LTF: variants seen among roughly 807,000 people sequenced by gnomAD.
The protein encoded by LTF is epididymis luminal protein 110.
LTF carries 91 observed loss-of-function variants against 87.2 expected under a neutral mutation model. The observed-to-expected ratio is 1.04, with a 90% CI of 0.88 to 1.24. The LOEUF is 1.24. Ranked by LOEUF, LTF falls within the 50% of genes most tolerant of loss-of-function variation. The probability of loss-of-function intolerance (pLI) is 0.00; values close to 1 mark genes in which losing one functional copy is unlikely to be tolerated. For missense variants in LTF, 901 were observed against 904.3 expected (o/e 1.00, Z 0.05); for synonymous variants, 378 against 356.1 (o/e 1.06, Z -0.69).
Position 46,436,090 on chromosome 3 carries a change from C to A in LTF, c.*105G>T. The stretch of plus-strand genomic sequence containing the variant: ...TTGTAAGCAGATGGATGGGCAATCC[C>A]CACCTTCAGCAGGGGAGGCCAAGGC... On this transcript the variant is annotated 3_prime_UTR_variant, in exon 17 of 17. Transcript: ENST00000231751. 1 of 1,081,706 alleles carries A rather than the reference C, an allele frequency of 9.2e-7. No homozygotes were observed. Among genetic ancestry groups the A allele is most frequent in the South Asian group, 1.3e-5 (1 of 77,692 alleles). 67.0% of individuals were successfully genotyped at this position (1,081,706 alleles called of 1,614,324 possible).
chr3:46,441,678 A>G (rs1702516786), intron 13 of LTF, 195 bp from the exon 14 acceptor site: 3 of 530,932 alleles, frequency 5.7e-6, no homozygotes, highest in Non-Finnish European at 1.0e-5. Context: ...ACCCTATATA[A>G]AAGACATTAC....
chr3:46,467,032 T>G (rs1454677457), upstream of LTF, among the ~76,000 whole-genome samples: 2 of 151,982 alleles, frequency 1.3e-5, no homozygotes, highest in Non-Finnish European at 2.9e-5. Flanking sequence ...GAAGGCAGCA[T>G]GGGTAGGCAA....
intron 1 of LTF, among the ~76,000 whole-genome samples, chr3:46,462,473 G>C (rs994459224): frequency 2.0e-5 from 3 of 152,138 alleles, no homozygotes; most frequent in Admixed American, 1.3e-4. Flanking sequence ...GTAAGTGTTG[G>C]ATCTAGGACT....
At chr3:46,447,783 C>A (rs911520018) in intron 9 of LTF, among the ~76,000 whole-genome samples, 2 of 152,200 alleles carry the variant, frequency 1.3e-5, no homozygotes, top group East Asian at 3.9e-4. Flanking sequence ...AAGCGCTACA[C>A]AGAAGTTGTC....
At chr3:46,437,320 A>AT (rs10667876) in intron 16 of LTF, among the ~76,000 whole-genome samples, 52,705 of 131,392 alleles carry the variant, frequency 0.4, 10,852 homozygotes, top group South Asian at 0.6. Context: ...CTAGAATCAG[A>AT]TTTTTTTTTT....
intron 1 of LTF, among the ~76,000 whole-genome samples, chr3:46,482,659 A>G (rs71327075): frequency 0.019 from 1,139 of 59,996 alleles, 25 homozygotes; most frequent in Middle Eastern, 0.027. Flanking sequence ...AAAGAAAGAA[A>G]GAAGGAAGGA....
chr3:46,449,749 C>T (rs1702751854), intron 8 of LTF, 105 bp downstream of exon 8: 9 of 1,211,074 alleles, frequency 7.4e-6, no homozygotes, highest in Non-Finnish European at 1.1e-5. Flanking sequence ...CCACGATGAC[C>T]CCACAGTGTC....
Position 46,438,098 on chromosome 3 carries a change from G to C in LTF, c.1940C>G (p.Pro647Arg). ...AGACTGGAATAAGCAAAACTTGTCC[G>C]GGCAGTCAGATCCATTTCTCCCAAA... ...AKFGRNGSDCPDKFCLFQSET... is the reference protein window; with the variant it reads ...AKFGRNGSDCRDKFCLFQSET... Residue 647 changes from proline to arginine, a missense_variant, in exon 16 of 17, where the codon CCG (proline) becomes CGG (arginine). Coordinates refer to ENST00000231751, the MANE Select transcript of LTF (RefSeq NM_002343.6). 1.2e-6 allele frequency: 2 copies of C among 1,613,696 alleles called. No individual in the cohort carries two copies. The highest frequency in any genetic ancestry group is 2.2e-5 in the South Asian group (2 of 91,010).
At chr3:46,464,679 G>T in intron 1 of LTF, 146 bp downstream of exon 1, 1 of 801,260 alleles carries the variant, frequency 1.2e-6, no homozygotes, top group South Asian at 1.6e-5. Context: ...CCCCGCGTCC[G>T]GGCCGCCTCC....
chr3:46,460,509 G>C, intron 1 of LTF: 1 of 450,244 alleles, frequency 2.2e-6, no homozygotes, highest in Non-Finnish European at 4.5e-6. Flanking sequence ...TTTTGAGCCT[G>C]CTTTTGTTGC....
chr3:46,455,653 C>A, intron 4 of LTF, 143 bp downstream of exon 4: 1 of 1,123,820 alleles, frequency 8.9e-7, no homozygotes, highest in Middle Eastern at 2.7e-4. Context: ...ACGGATCCTG[C>A]CAGCAGGATG....
chr3:46,482,852 G>A (rs1196694803), intron 1 of LTF, among the ~76,000 whole-genome samples: 3 of 151,186 alleles, frequency 2.0e-5, no homozygotes, highest in African/African-American at 7.3e-5. Flanking sequence ...GGAGGGACAA[G>A]AGACAGACAG....
rs1219883992 is a variant in LTF at position 46,443,598 on chromosome 3, A to G, written c.1514-16T>C. On this transcript the variant is annotated splice_polypyrimidine_tract_variant and intron_variant, in intron 12 of 16. Transcript: ENST00000231751. The stretch of plus-strand genomic sequence containing the variant: ...AAATATTCATCTGGAGAGAAGGAAC[A>G]CGGGGAGTCAGCTCTTCAAACCTGA... The G allele has an allele frequency of 1.9e-6, 3 of 1,613,572 alleles. No homozygotes were observed. The highest frequency in any genetic ancestry group is 1.7e-6 in the Non-Finnish European group (2 of 1,179,944).
chr3:46,466,037 A>G (rs553261468), upstream of LTF, among the ~76,000 whole-genome samples: 6 of 152,290 alleles, frequency 3.9e-5, no homozygotes, highest in South Asian at 1.2e-3. Context: ...CCAGGAGTTC[A>G]AGACTAGCCT....
chr3:46,468,415 G>C (rs1703242851), upstream of LTF: 1 of 437,480 alleles, frequency 2.3e-6, no homozygotes, highest in Non-Finnish European at 4.6e-6. Flanking sequence ...CTGCCATGCA[G>C]TGGCAAGAGC....
chr3:46,441,627 A>G (rs1439478372), intron 13 of LTF, 144 bp from the exon 14 acceptor site: 1 of 646,476 alleles, frequency 1.5e-6, no homozygotes, highest in African/African-American at 1.8e-5. Context: ...TACTGTTTAC[A>G]GCGGCAGATT....
upstream of LTF, chr3:46,464,998 A>T (rs1373897446): frequency 1.2e-6 from 1 of 864,078 alleles, no homozygotes; most frequent in Non-Finnish European, 1.9e-6. Context: ...CCCCGCGGCC[A>T]GGTCTACTTG....
chr3:46,436,025 A>C lies in LTF; in HGVS notation c.*170T>G, dbSNP rs1160829938. On this transcript the variant is annotated 3_prime_UTR_variant, in exon 17 of 17. Coordinates refer to ENST00000231751, the MANE Select transcript of LTF (RefSeq NM_002343.6). ...CTTTATAAGGAGAGAATATCAACAAAATTTCTCATTTTACTTCTTGCTAAG... is the reference window on the plus strand; with the variant it reads ...CTTTATAAGGAGAGAATATCAACAACATTTCTCATTTTACTTCTTGCTAAG... 1 of 640,208 alleles carries C rather than the reference A, an allele frequency of 1.6e-6. No homozygotes were observed. Among genetic ancestry groups the C allele is most frequent in the African/African-American group, 1.8e-5 (1 of 54,468 alleles). 39.7% of individuals were successfully genotyped at this position (640,208 alleles called of 1,614,324 possible).
chr3:46,441,926 A>G (rs1002554266), intron 13 of LTF: 1 of 93,684 alleles, frequency 1.1e-5, no homozygotes, highest in African/African-American at 4.2e-5. Flanking sequence ...AGAGAGAGAG[A>G]GAGAGAGAGT....
Sources: allele counts gnomAD v4.1 joint callset (sites outside exome capture counted in the v4.1 genomes callset), GRCh38; gene constraint gnomAD v4.1.1; transcripts MANE v1.5; gene names NCBI Gene and HGNC (gene_info 2026-07-23, HGNC 2026-07-21).